Variants in PLA2G6 observed in about 807,000 individuals in gnomAD.
PLA2G6 encodes the protein 85/88 kDa calcium-independent phospholipase A2.
A neutral mutation model predicts 83.8 loss-of-function variants in PLA2G6; 62 were observed. The ratio of observed to expected loss-of-function variants is 0.74; its 90% CI spans 0.60 to 0.91. The LOEUF is 0.91. PLA2G6 is among the 40% of genes least tolerant of loss of function. The pLI is 0.00. For synonymous variants in PLA2G6, 417 were observed against 449.8 expected, an observed-to-expected ratio of 0.93 and a Z score of 0.92; for missense variants, 944 against 1,102.0, an observed-to-expected ratio of 0.86 and a Z score of 2.03.
At chr22:38,113,454 G>C (rs2087001844) in intron 15 of PLA2G6, 33 bp downstream of exon 15, 1 of 1,610,080 alleles carries the variant, frequency 6.2e-7, no homozygotes, top group Non-Finnish European at 8.5e-7. Flanking sequence ...CAGACCCTGA[G>C]GGAAGTGGCC....
chr22:38,155,419 A>G (rs75889246), intron 2 of PLA2G6, among the ~76,000 whole-genome samples: 2,097 of 152,308 alleles, frequency 0.014, 43 homozygotes, highest in African/African-American at 0.048. Flanking sequence ...ACACTGTCAT[A>G]TGTAGACCAC....
chr22:38,134,704 C>A, intron 6 of PLA2G6: 1 of 461,704 alleles, frequency 2.2e-6, no homozygotes, highest in South Asian at 2.9e-5. Context: ...ACAATTTGTG[C>A]CGAGTTTTGT....
chr22:38,134,362 C>A (rs573135387), intron 6 of PLA2G6: 2 of 152,502 alleles, frequency 1.3e-5, no homozygotes, highest in African/African-American at 2.4e-5. Flanking sequence ...GAGATCGAGA[C>A]CATCCTGGCT....
At chr22:38,170,157 C>G (rs1046729252) in intron 1 of PLA2G6, among the ~76,000 whole-genome samples, 1 of 149,162 alleles carries the variant, frequency 6.7e-6, no homozygotes, top group Admixed American at 6.7e-5. Context: ...GAGATCGCGC[C>G]ACTGCACTCC....
At chr22:38,125,945 G>A (rs1198497168) in intron 10 of PLA2G6, among the ~76,000 whole-genome samples, 2 of 152,222 alleles carry the variant, frequency 1.3e-5, no homozygotes, top group East Asian at 3.8e-4. Context: ...AATGGGACTA[G>A]GTATACAGCA....
At chr22:38,165,493 C>T (rs920963221) in intron 2 of PLA2G6, among the ~76,000 whole-genome samples, 1 of 152,168 alleles carries the variant, frequency 6.6e-6, no homozygotes, top group African/African-American at 2.4e-5. Context: ...AGGCCAGGAG[C>T]ACAAGGCGGC....
chr22:38,180,466 C>T (rs1568986904), intron 1 of PLA2G6: 3 of 152,178 alleles, frequency 2.0e-5, no homozygotes, highest in Non-Finnish European at 4.4e-5. Context: ...TAGCCTAGAA[C>T]ATCAGACAGT....
At chr22:38,161,899 G>A (rs111287690) in intron 2 of PLA2G6, among the ~76,000 whole-genome samples, 2 of 152,066 alleles carry the variant, frequency 1.3e-5, no homozygotes, top group Admixed American at 6.6e-5. Context: ...GGCTCATGTC[G>A]TGATTTCAAA....
rs1375709481 is a variant in PLA2G6 at position 38,116,322 on chromosome 22, C to G, written c.1743-111G>C. The G allele has an allele frequency of 5.8e-6, 7 of 1,202,118 alleles. No homozygotes were observed. In the African/African-American group the frequency reaches 1.0e-4, roughly 18 times the overall value. The allele number at this position is 1,202,118 out of a possible 1,614,324, so 74.5% of individuals were successfully genotyped here. ...GGTAGCAGAGTGCCCACTCCAACCT[C>G]TGTTCGGGATAGGTGGGCTTCTCCC... is the stretch of plus-strand genomic sequence containing the variant. On this transcript the variant is annotated intron_variant, in intron 12 of 16. Transcript: ENST00000332509.
intron 6 of PLA2G6, chr22:38,133,327 C>A (rs1338355596): frequency 6.6e-5 from 30 of 455,964 alleles, no homozygotes; most frequent in Non-Finnish European, 1.1e-4. Flanking sequence ...CCTGAAGCAC[C>A]CCGCTCCCTG....
At chr22:38,176,236 T>C (rs925687884) in intron 1 of PLA2G6, among the ~76,000 whole-genome samples, 1 of 152,140 alleles carries the variant, frequency 6.6e-6, no homozygotes, top group Non-Finnish European at 1.5e-5. Flanking sequence ...AGCTCACTCC[T>C]AGTCCAAGCA....
In PLA2G6 at chr22:38,175,882, TGAATGAATGAATGA is replaced by T. The variant is rs2090612637; in HGVS notation, c.-46+5768_-46+5781del. Among the ~76,000 whole-genome samples, 7 of 152,168 alleles carry T rather than the reference TGAATGAATGAATGA, an allele frequency of 4.6e-5. No individual in the cohort carries two copies. The South Asian group carries it at 1.5e-3, about 32-fold the overall frequency. ...CACAGTGGGTGTTTAATAAGTTTGG[TGAATGAATGAATGA>T]GAATGAATGAATGAACCACCTATAA... On this transcript the variant is annotated intron_variant, in intron 1 of 16. Coordinates refer to ENST00000332509, the MANE Select transcript of PLA2G6 (RefSeq NM_003560.4).
intron 6 of PLA2G6, chr22:38,133,731 T>C (rs912317189): frequency 4.6e-5 from 7 of 152,526 alleles, no homozygotes; most frequent in African/African-American, 1.7e-4. Context: ...CAAGCTGTGC[T>C]TCCTGGTGAT....
intron 2 of PLA2G6, among the ~76,000 whole-genome samples, chr22:38,154,525 C>A (rs1443404636): frequency 6.6e-6 from 1 of 152,256 alleles, no homozygotes; most frequent in African/African-American, 2.4e-5. Flanking sequence ...TACGAGTCTG[C>A]AAGAGCCATA....
chr22:38,134,600 C>A (rs6001015), intron 6 of PLA2G6: 45,152 of 195,514 alleles, frequency 0.23, 6,378 homozygotes, highest in African/African-American at 0.41. Context: ...CCCTCTCTCT[C>A]TATATATATA....
intron 1 of PLA2G6, among the ~76,000 whole-genome samples, chr22:38,174,118 T>C (rs967861492): frequency 2.0e-5 from 3 of 151,798 alleles, no homozygotes; most frequent in African/African-American, 7.3e-5. Context: ...ACAAACGGGC[T>C]GGGCGCAGTG....
chr22:38,115,974 C>T, intron 13 of PLA2G6, 101 bp downstream of exon 13: 1 of 1,509,984 alleles, frequency 6.6e-7, no homozygotes, highest in Non-Finnish European at 9.1e-7. Context: ...GGGCTGGTGG[C>T]ACGGTGAGGG....
intron 14 of PLA2G6, among the ~76,000 whole-genome samples, chr22:38,115,159 A>G (rs2087112995): frequency 6.6e-6 from 1 of 152,188 alleles, no homozygotes; most frequent in African/African-American, 2.4e-5. Flanking sequence ...CCTCCACCAC[A>G]GCACCGGCAA....
intron 1 of PLA2G6, among the ~76,000 whole-genome samples, chr22:38,181,302 GGAGT>G (rs1461786947): frequency 6.6e-6 from 1 of 152,168 alleles, no homozygotes; most frequent in East Asian, 1.9e-4. Flanking sequence ...GGAGAAGCAG[GGAGT>G]GAGAAATGAG....
Sources: gnomAD v4.1 joint callset for allele counts (sites outside exome capture counted in the v4.1 genomes callset) on GRCh38, gnomAD v4.1.1 for gene constraint, MANE v1.5 for transcripts, NCBI Gene and HGNC (gene_info 2026-07-23, HGNC 2026-07-21) for gene names.